MSN: variants seen among roughly 807,000 people sequenced by gnomAD.
MSN encodes the protein epididymis luminal protein 70.
MSN carries 2 observed loss-of-function variants against 48.0 expected under a neutral mutation model. That is an observed-to-expected ratio of 0.04 (90% CI 0.02 to 0.13). The LOEUF is 0.13. MSN is among the 10% of genes least tolerant of loss of function. The pLI, the probability that MSN is intolerant of heterozygous loss-of-function variation, is 1.00. For synonymous variants in MSN, 146 were observed against 166.9 expected (o/e 0.87, Z 0.97); for missense variants, 267 against 470.1 (o/e 0.57, Z 3.99).
Position 65,724,677 on chromosome X carries a change from TTTTG to T in MSN, c.97-3113_97-3110del, listed in dbSNP as rs10635652. Among the ~76,000 whole-genome samples, 530 of 108,351 alleles carry T rather than the reference TTTTG, an allele frequency of 4.9e-3. 1 individual carries two copies. The highest frequency in any genetic ancestry group is 0.015 in the African/African-American group (426 of 28,067). 94.1% of individuals were successfully genotyped at this position (108,351 alleles called of 115,157 possible). A position where few individuals can be genotyped will look rare whatever the true frequency, so the allele number is the denominator to read the frequency against. ...CCATTTTATGTTTGTTTTGTTTTGT[TTTTG>T]TTTGTTTGTTTGTTTGTTTGTTTTT... is the stretch of plus-strand genomic sequence containing the variant. On this transcript the variant is annotated intron_variant, in intron 2 of 12. Coordinates refer to ENST00000360270, the MANE Select transcript of MSN (RefSeq NM_002444.3).
chrX:65,727,026 G>A (rs945757533), intron 2 of MSN, among the ~76,000 whole-genome samples: 9 of 111,390 alleles, frequency 8.1e-5, no homozygotes, highest in African/African-American at 2.9e-4. Flanking sequence ...CTACACTGAG[G>A]TACTTACCCT....
At chrX:65,609,146 GTGT>G (rs1200144846) in intron 1 of MSN, among the ~76,000 whole-genome samples, 1 of 104,824 alleles carries the variant, frequency 9.5e-6, no homozygotes, top group Non-Finnish European at 2.0e-5. Flanking sequence ...GTCCCTGAAG[GTGT>G]TGGTGGGGAG....
chrX:65,741,528 T>C lies in MSN; in HGVS notation c.*1635T>C, dbSNP rs2071736903. On this transcript the variant is annotated 3_prime_UTR_variant, in exon 13 of 13. Coordinates refer to ENST00000360270, the MANE Select transcript of MSN (RefSeq NM_002444.3). Reference sequence around the variant, plus strand: ...CAATCCATTCTTAAAGTACTTGTTATTTGTTTTTATTATTACTGTTTGTCT... The same window carrying C: ...CAATCCATTCTTAAAGTACTTGTTACTTGTTTTTATTATTACTGTTTGTCT... 1 of 167,312 alleles carries C rather than the reference T, an allele frequency of 6.0e-6. No individual in the cohort carries two copies. The highest frequency in any genetic ancestry group is 3.0e-5 in the African/African-American group (1 of 33,332). The allele number at this position is 167,312 out of a possible 1,213,427, so 13.8% of individuals were successfully genotyped here.
At chrX:65,590,577 G>T (rs1000857631) in intron 1 of MSN, among the ~76,000 whole-genome samples, 3 of 111,342 alleles carry the variant, frequency 2.7e-5, no homozygotes, top group Admixed American at 9.6e-5. Flanking sequence ...TAGACTTCCG[G>T]CACAATTTGA....
At chrX:65,671,811 G>A (rs1255380568) in intron 1 of MSN, among the ~76,000 whole-genome samples, 1 of 112,164 alleles carries the variant, frequency 8.9e-6, no homozygotes, top group Non-Finnish European at 1.9e-5. Context: ...ATGCTCTCTC[G>A]TGTTAGGCTT....
chrX:65,640,571 C>T, intron 1 of MSN, among the ~76,000 whole-genome samples: 1 of 110,593 alleles, frequency 9.0e-6, no homozygotes, highest in Non-Finnish European at 1.9e-5. Context: ...AAAATGTCAC[C>T]GTTAGAGAGA....
intron 2 of MSN, 33 bp downstream of exon 2, chrX:65,716,934 C>G (rs2071472334): frequency 9.0e-7 from 1 of 1,116,976 alleles, no homozygotes; most frequent in African/African-American, 1.8e-5. Context: ...TCCTCTCCTT[C>G]TCTGAATAGC....
chrX:65,695,229 G>T (rs1211849868), intron 1 of MSN, among the ~76,000 whole-genome samples: 1 of 110,698 alleles, frequency 9.0e-6, no homozygotes, highest in South Asian at 3.8e-4. Context: ...GGCCGGGCGT[G>T]TTGGCTCACG....
At chrX:65,721,946 G>T (rs1052188125) in intron 2 of MSN, among the ~76,000 whole-genome samples, 1 of 111,503 alleles carries the variant, frequency 9.0e-6, no homozygotes, top group Non-Finnish European at 1.9e-5. Context: ...GCTGGGCATG[G>T]TGGTGCATGC....
chrX:65,628,163 CG>C (rs2070523638), intron 1 of MSN, among the ~76,000 whole-genome samples: 1 of 112,434 alleles, frequency 8.9e-6, no homozygotes, highest in Non-Finnish European at 1.9e-5. Context: ...GCCTGGAGGA[CG>C]GTGGCCCACT....
intron 1 of MSN, among the ~76,000 whole-genome samples, chrX:65,604,112 AG>A (rs1403922479): frequency 8.9e-6 from 1 of 112,555 alleles, no homozygotes; most frequent in Non-Finnish European, 1.9e-5. Flanking sequence ...TTTGCAGGTA[AG>A]GGAATGAGGC....
upstream of MSN, among the ~76,000 whole-genome samples, chrX:65,664,284 C>T (rs968450906): frequency 9.0e-6 from 1 of 110,807 alleles, no homozygotes; most frequent in African/African-American, 3.3e-5. Flanking sequence ...CACCTACAGA[C>T]ATAAACATGG....
intron 1 of MSN, among the ~76,000 whole-genome samples, chrX:65,639,791 T>C (rs2070634681): frequency 8.9e-6 from 1 of 111,960 alleles, no homozygotes; most frequent in Non-Finnish European, 1.9e-5. Flanking sequence ...TTTAAGAGCT[T>C]CCTTTCATGA....
intron 1 of MSN, among the ~76,000 whole-genome samples, chrX:65,686,520 G>A (rs1228194732): frequency 8.8e-6 from 1 of 113,011 alleles, no homozygotes; most frequent in Non-Finnish European, 1.9e-5. Flanking sequence ...GGGAGTTTGA[G>A]ATCAGGTTCC....
intron 1 of MSN, among the ~76,000 whole-genome samples, chrX:65,596,469 G>A (rs1569452314): frequency 9.0e-6 from 1 of 110,835 alleles, no homozygotes; most frequent in Admixed American, 9.6e-5. Flanking sequence ...AGAGTGAGAA[G>A]ATGACTCACT....
At position 65,719,458 on chromosome X, in the gene MSN, C is replaced by T. The variant is rs1026793934; in HGVS notation, c.96+2557C>T. Among the ~76,000 whole-genome samples the T allele has an allele frequency of 8.0e-5, 9 of 111,907 alleles. No homozygotes were observed. The East Asian group carries it at 1.1e-3, about 14-fold the overall frequency. On this transcript the variant is annotated intron_variant, in intron 2 of 12. Coordinates refer to ENST00000360270, the MANE Select transcript of MSN (RefSeq NM_002444.3). ...CTGTAAAAAGGAGAGAAATGCCTCA[C>T]CTGAGTATGATCAGCTGCTGGCATA...
chrX:65,611,629 G>T (rs1222911495), intron 1 of MSN, among the ~76,000 whole-genome samples: 1 of 111,939 alleles, frequency 8.9e-6, no homozygotes, highest in Non-Finnish European at 1.9e-5. Flanking sequence ...GGACACTTGG[G>T]TTGCTTCTAC....
chrX:65,630,059 A>G (rs1029417895), intron 1 of MSN, among the ~76,000 whole-genome samples: 3 of 110,479 alleles, frequency 2.7e-5, no homozygotes, highest in African/African-American at 9.9e-5. Context: ...GGTGCTTGTA[A>G]TCCCAGCTAC....
chrX:65,713,070 T>C (rs1413481083), intron 1 of MSN, among the ~76,000 whole-genome samples: 1 of 111,763 alleles, frequency 8.9e-6, no homozygotes, highest in African/African-American at 3.3e-5. Flanking sequence ...ATGAAGTGCC[T>C]GGTGAGTAGC....
Sources: gnomAD v4.1 joint callset for allele counts (sites outside exome capture counted in the v4.1 genomes callset) on GRCh38, gnomAD v4.1.1 for gene constraint, MANE v1.5 for transcripts, NCBI Gene and HGNC (gene_info 2026-07-23, HGNC 2026-07-21) for gene names.